LIMCH1: variants seen among roughly 807,000 people sequenced by gnomAD.
The protein encoded by LIMCH1 is LIM and calponin homology domains 1.
Under a neutral mutation model 176.5 loss-of-function variants are expected in LIMCH1, and 113 were observed. The observed-to-expected ratio is 0.64, with a 90% confidence interval of 0.55 to 0.75. The LOEUF is 0.75. LIMCH1 is among the 30% of genes least tolerant of loss of function. The probability of loss-of-function intolerance (pLI) is 0.00; values close to 1 mark genes in which losing one functional copy is unlikely to be tolerated. For synonymous variants in LIMCH1, 619 were observed against 645.9 expected, an observed-to-expected ratio of 0.96 and a Z score of 0.63; for missense variants, 1,674 against 1,814.9, an observed-to-expected ratio of 0.92 and a Z score of 1.41.
chr4:41,418,477 T>C (rs868541110), intron 1 of LIMCH1, among the ~76,000 whole-genome samples: 3 of 152,188 alleles, frequency 2.0e-5, no homozygotes, highest in Admixed American at 1.3e-4. Flanking sequence ...AGTCCATCAC[T>C]AAGTGTTTAT....
intron 1 of LIMCH1, among the ~76,000 whole-genome samples, chr4:41,454,939 CATGTGTGTGT>C (rs1312413498): frequency 3.1e-4 from 41 of 130,562 alleles, no homozygotes; most frequent in African/African-American, 1.2e-3. Context: ...TGTATGCGTA[CATGTGTGTGT>C]GTGTGTGTGT....
At chr4:41,397,658 G>GAA (rs145660428) in intron 1 of LIMCH1, among the ~76,000 whole-genome samples, 1 of 146,762 alleles carries the variant, frequency 6.8e-6, no homozygotes, top group African/African-American at 2.5e-5. Flanking sequence ...TACAGATACA[G>GAA]AAAAAAAAAA....
intron 1 of LIMCH1, among the ~76,000 whole-genome samples, chr4:41,394,959 T>G (rs1388915884): frequency 6.6e-6 from 1 of 152,192 alleles, no homozygotes; most frequent in Non-Finnish European, 1.5e-5. Context: ...CTTTTTTCTT[T>G]GGCCAAAAGG....
intron 31 of LIMCH1, among the ~76,000 whole-genome samples, chr4:41,695,070 A>G (rs1191263892): frequency 2.0e-5 from 3 of 151,882 alleles, no homozygotes; most frequent in Non-Finnish European, 2.9e-5. Flanking sequence ...CCATTCTTCT[A>G]TTTGGCACCT....
At chr4:41,590,417 T>A (rs888945987) in intron 1 of LIMCH1, among the ~76,000 whole-genome samples, 10 of 151,942 alleles carry the variant, frequency 6.6e-5, no homozygotes, top group Admixed American at 2.0e-4. Context: ...AAATGGACCC[T>A]CTCCTCCACC....
chr4:41,637,532 T>C (rs1198207690), intron 13 of LIMCH1, among the ~76,000 whole-genome samples: 4 of 152,238 alleles, frequency 2.6e-5, no homozygotes, highest in Non-Finnish European at 5.9e-5. Flanking sequence ...TCTGCTTCAA[T>C]GCAGTAGTGT....
chr4:41,609,973 A>G (rs2091233521), intron 4 of LIMCH1, among the ~76,000 whole-genome samples: 1 of 152,180 alleles, frequency 6.6e-6, no homozygotes, highest in East Asian at 1.9e-4. Context: ...CCAGCCTGTC[A>G]CTTCACCCTG....
At chr4:41,688,553 C>T (rs1486845527) in intron 29 of LIMCH1, among the ~76,000 whole-genome samples, 1 of 152,176 alleles carries the variant, frequency 6.6e-6, no homozygotes, top group Non-Finnish European at 1.5e-5. Flanking sequence ...TTCTGTTTCT[C>T]CTGTCCCTCT....
At chr4:41,618,149 A>G (rs2092284883) in intron 5 of LIMCH1, among the ~76,000 whole-genome samples, 1 of 152,168 alleles carries the variant, frequency 6.6e-6, no homozygotes, top group Non-Finnish European at 1.5e-5. Context: ...ATAGGTATAT[A>G]TTTTATTTGT....
intron 1 of LIMCH1, among the ~76,000 whole-genome samples, chr4:41,443,770 C>G (rs79367664): frequency 6.6e-6 from 1 of 152,296 alleles, no homozygotes; most frequent in African/African-American, 2.4e-5. Flanking sequence ...GAGAGAGGCC[C>G]ATGGAACAAG....
upstream of LIMCH1, among the ~76,000 whole-genome samples, chr4:41,536,443 C>T (rs1197549560): frequency 3.3e-5 from 5 of 152,116 alleles, no homozygotes; most frequent in Non-Finnish European, 7.4e-5. Context: ...GCTCTGTCCA[C>T]AGTATAAAAT....
intron 1 of LIMCH1, among the ~76,000 whole-genome samples, chr4:41,367,952 A>G (rs376731663): frequency 1.3e-5 from 2 of 152,082 alleles, no homozygotes; most frequent in African/African-American, 4.8e-5. Context: ...ACTGTTAAAA[A>G]AAATTCCTCA....
At chr4:41,636,340 C>CTTTTTTTTTT (rs35828085) in intron 13 of LIMCH1, among the ~76,000 whole-genome samples, 50 of 104,882 alleles carry the variant, frequency 4.8e-4, no homozygotes, top group Non-Finnish European at 5.9e-4. Flanking sequence ...TGCTTTATTA[C>CTTTTTTTTTT]TTTTTTTTTT....
At chr4:41,505,232 G>A (rs1481354678) in intron 2 of LIMCH1, among the ~76,000 whole-genome samples, 1 of 152,130 alleles carries the variant, frequency 6.6e-6, no homozygotes, top group East Asian at 1.9e-4. Flanking sequence ...TCTGGCACTT[G>A]CTTGGCACCC....
intron 22 of LIMCH1, among the ~76,000 whole-genome samples, chr4:41,673,275 G>A (rs1306170298): frequency 6.6e-6 from 1 of 152,162 alleles, no homozygotes; most frequent in Admixed American, 6.5e-5. Context: ...CGATCCCAAA[G>A]CTGGCATCCA....
chr4:41,609,625 G>A (rs551747828), intron 4 of LIMCH1: 12 of 455,732 alleles, frequency 2.6e-5, no homozygotes, highest in Non-Finnish European at 4.4e-5. Flanking sequence ...GCTGGTTCTT[G>A]TTATGTCTGA....
intron 1 of LIMCH1, among the ~76,000 whole-genome samples, chr4:41,399,658 T>C (rs2058163933): frequency 6.7e-6 from 1 of 148,764 alleles, no homozygotes; most frequent in Non-Finnish European, 1.5e-5. Context: ...CTAACTTTAC[T>C]TGTAACAATC....
At chr4:41,449,839 G>GTGTTGGCATC (rs2063671803) in intron 1 of LIMCH1, among the ~76,000 whole-genome samples, 1 of 152,240 alleles carries the variant, frequency 6.6e-6, no homozygotes, top group Non-Finnish European at 1.5e-5. Context: ...GAGGCTGGAA[G>GTGTTGGCATC]TCCAAAAGCA....
intron 18 of LIMCH1, among the ~76,000 whole-genome samples, chr4:41,657,611 G>A (rs556590617): frequency 6.6e-6 from 1 of 152,196 alleles, no homozygotes; most frequent in South Asian, 2.1e-4. Flanking sequence ...TTTTAAGTGG[G>A]TTCCTGTTAT....
Sources: allele counts gnomAD v4.1 joint callset (sites outside exome capture counted in the v4.1 genomes callset), GRCh38; gene constraint gnomAD v4.1.1; transcripts MANE v1.5; gene names NCBI Gene and HGNC (gene_info 2026-07-23, HGNC 2026-07-21).